The following GHITM variants were observed in gnomAD, a reference collection of about 807,000 sequenced individuals.
GHITM encodes growth hormone-inducible transmembrane protein.
GHITM carries 24 observed loss-of-function variants against 38.7 expected under a neutral mutation model. That is an observed-to-expected ratio of 0.62 (90% CI 0.45 to 0.87). The LOEUF is 0.87. GHITM is among the 40% of genes least tolerant of loss of function. The pLI, the probability that GHITM is intolerant of heterozygous loss-of-function variation, is 0.00. For synonymous variants in GHITM, 154 were observed against 147.8 expected (o/e 1.04, Z -0.30); for missense variants, 420 against 429.8 (o/e 0.98, Z 0.20).
At position 84,152,416 on chromosome 10, in the gene GHITM, T is replaced by C; in HGVS notation, c.*68T>C. On this transcript the variant is annotated 3_prime_UTR_variant, in exon 9 of 9. Coordinates refer to ENST00000372134, the MANE Select transcript of GHITM (RefSeq NM_014394.3). ...TTTAATGGGGCAGATATGCATTAAA[T>C]AGTTTGTACAAGCAGCTTTCGTTGA... The C allele has an allele frequency of 1.2e-6, 1 of 817,018 alleles. No individual in the cohort carries two copies. The highest frequency in any genetic ancestry group is 2.1e-6 in the Non-Finnish European group (1 of 487,304). The allele number at this position is 817,018 out of a possible 1,614,324, so 50.6% of individuals were successfully genotyped here.
chr10:84,149,983 CAT>C (rs1841595471), intron 6 of GHITM, 70 bp from the exon 7 acceptor site: 3 of 1,177,706 alleles, frequency 2.5e-6, no homozygotes, highest in Non-Finnish European at 3.5e-6. Context: ...TATAAAGTGG[CAT>C]GTTAGAAGTG....
chr10:84,153,023 G>A lies in GHITM; in HGVS notation c.*675G>A, dbSNP rs532707336. 1 of 152,248 alleles carries A rather than the reference G, an allele frequency of 6.6e-6. No homozygotes were observed. Among genetic ancestry groups the A allele is most frequent in the South Asian group, 2.1e-4 (1 of 4,828 alleles). 9.4% of individuals were successfully genotyped at this position (152,248 alleles called of 1,614,324 possible). A position where few individuals can be genotyped will look rare whatever the true frequency, so the allele number is the denominator to read the frequency against. Reference sequence around the variant, plus strand: ...TGGTCATGTTTGACTTGTACAGAATGTTAATCATACAGAGAATCCTTGATG... The same window carrying A: ...TGGTCATGTTTGACTTGTACAGAATATTAATCATACAGAGAATCCTTGATG... On this transcript the variant is annotated 3_prime_UTR_variant, in exon 9 of 9. Coordinates refer to ENST00000372134, the MANE Select transcript of GHITM (RefSeq NM_014394.3).
At chr10:84,144,729 A>G (rs896160442) in intron 4 of GHITM, 146 bp from the exon 5 acceptor site, 1 of 516,004 alleles carries the variant, frequency 1.9e-6, no homozygotes, top group African/African-American at 2.0e-5. Context: ...AAGTATGCAT[A>G]ATTATCATAA....
At chr10:84,142,272 C>A (rs1287705131) in intron 2 of GHITM, among the ~76,000 whole-genome samples, 4 of 152,166 alleles carry the variant, frequency 2.6e-5, no homozygotes, top group Admixed American at 6.5e-5. Context: ...CAAAATATAG[C>A]TAATAATGCT....
chr10:84,147,583 T>A (rs1589276256), intron 5 of GHITM, among the ~76,000 whole-genome samples: 1 of 152,096 alleles, frequency 6.6e-6, no homozygotes, highest in Non-Finnish European at 1.5e-5. Flanking sequence ...ACATCTAGAG[T>A]TAACCTTTTC....
rs1050452828 is a variant in GHITM at position 84,139,537 on chromosome 10, G to A, written c.-96G>A. 6.6e-6 allele frequency: 1 copy of A among 152,304 alleles called. No homozygotes were observed. The highest frequency in any genetic ancestry group is 1.5e-5 in the Non-Finnish European group (1 of 68,098). 9.4% of individuals were successfully genotyped at this position (152,304 alleles called of 1,614,324 possible). On this transcript the variant is annotated 5_prime_UTR_variant, in exon 1 of 9. Transcript: ENST00000372134. ...GCGCCGGAGGAACTGTGCTCTTTGAGGCCGACGCTAGGGGCCCGGAAGGGA... is the reference window on the plus strand; with the variant it reads ...GCGCCGGAGGAACTGTGCTCTTTGAAGCCGACGCTAGGGGCCCGGAAGGGA...
At chr10:84,143,910 C>A in intron 3 of GHITM, 85 bp from the exon 4 acceptor site, 3 of 943,116 alleles carry the variant, frequency 3.2e-6, no homozygotes, top group Non-Finnish European at 5.3e-6. Context: ...AAATATGGTA[C>A]ATGATTTGAT....
intron 6 of GHITM, among the ~76,000 whole-genome samples, chr10:84,149,339 A>G (rs1270666555): frequency 6.6e-6 from 1 of 152,222 alleles, no homozygotes; most frequent in Non-Finnish European, 1.5e-5. Context: ...TACCTTATTA[A>G]CCATATAACT....
Position 84,150,252 on chromosome 10 carries a change from C to T in GHITM, c.781+9C>T. ...CTTTGTGTCCTCATTGGGTAAGCTGCTGTGTTTTAACACTTAATTCTTGGT... is the reference window on the plus strand; with the variant it reads ...CTTTGTGTCCTCATTGGGTAAGCTGTTGTGTTTTAACACTTAATTCTTGGT... On this transcript the variant is annotated intron_variant, in intron 7 of 8. Transcript: ENST00000372134. 1.3e-6 allele frequency: 2 copies of T among 1,591,134 alleles called. No homozygotes were observed. Among genetic ancestry groups the T allele is most frequent in the Non-Finnish European group, 8.6e-7 (1 of 1,166,084 alleles).
chr10:84,142,950 G>A (rs1841522080), intron 3 of GHITM, among the ~76,000 whole-genome samples, 196 bp downstream of exon 3: 1 of 152,062 alleles, frequency 6.6e-6, no homozygotes, highest in Non-Finnish European at 1.5e-5. Context: ...TCTTCCAGTG[G>A]AAATTTTACT....
chr10:84,150,944 C>T, intron 8 of GHITM, 64 bp downstream of exon 8: 1 of 1,225,696 alleles, frequency 8.2e-7, no homozygotes, highest in Non-Finnish European at 1.2e-6. Flanking sequence ...GTGTATTTGA[C>T]CTGTTTTGGT....
intron 2 of GHITM, among the ~76,000 whole-genome samples, 174 bp downstream of exon 2, chr10:84,141,803 A>G (rs984415144): frequency 3.9e-5 from 6 of 152,144 alleles, no homozygotes; most frequent in South Asian, 2.1e-4. Flanking sequence ...TCCTTATCCC[A>G]TATGAAATAG....
chr10:84,150,063 G>T lies in GHITM; in HGVS notation c.601G>T (p.Gly201Cys), dbSNP rs757880400. The change falls in exon 7 of 9, where the codon GGT (glycine) becomes TGT (cysteine). Residue 201 changes from glycine to cysteine, a missense_variant. Physicochemically the swap from Gly to Cys is radical, Grantham distance 159 (BLOSUM62 -3). Transcript: ENST00000372134. ...LAWLLHSGVM[G>C]AVVAPLTILG... ...ACTTCCTCTTTCTCCAGGTGTGATG[G>T]GTGCAGTGGTGGCTCCTCTGACAAT... 2.6e-6 allele frequency: 4 copies of T among 1,545,724 alleles called. No individual in the cohort carries two copies.
chr10:84,148,165 TG>T (rs1332429728), intron 5 of GHITM, among the ~76,000 whole-genome samples: 2 of 152,222 alleles, frequency 1.3e-5, no homozygotes, highest in African/African-American at 4.8e-5. Context: ...GACATGCATT[TG>T]AAGCTGTCTG....
intron 1 of GHITM, among the ~76,000 whole-genome samples, chr10:84,141,030 G>A (rs1183754568): frequency 1.3e-5 from 2 of 152,058 alleles, no homozygotes; most frequent in Non-Finnish European, 2.9e-5. Flanking sequence ...TGTCTTCTTT[G>A]GATGACACTA....
chr10:84,145,296 TAATGATA>T (rs1841546875), intron 5 of GHITM, among the ~76,000 whole-genome samples: 2 of 152,212 alleles, frequency 1.3e-5, no homozygotes, highest in African/African-American at 2.4e-5. Flanking sequence ...CAATGAAGTG[TAATGATA>T]AATAGTCCGA....
intron 2 of GHITM, among the ~76,000 whole-genome samples, 169 bp from the exon 3 acceptor site, chr10:84,142,486 C>T (rs1333931055): frequency 2.0e-5 from 3 of 152,100 alleles, no homozygotes; most frequent in African/African-American, 7.2e-5. Context: ...TTTATTTTTA[C>T]ATTTAGTTTT....
At chr10:84,151,715 C>T (rs77138791) in intron 8 of GHITM, among the ~76,000 whole-genome samples, 1 of 151,868 alleles carries the variant, frequency 6.6e-6, no homozygotes, top group East Asian at 1.9e-4. Flanking sequence ...TGGAGTCGAC[C>T]AAAGTGGGTT....
In GHITM at chr10:84,142,765, A is replaced by G. The variant is rs757352632; in HGVS notation, c.229+11A>G. ...AAAAAATATTTAAAAGTAGGTGGCT[A>G]TCTTTAGTTTTTAACCTAGAATCTA... On this transcript the variant is annotated intron_variant, in intron 3 of 8. Transcript: ENST00000372134. 2.8e-6 allele frequency: 4 copies of G among 1,444,744 alleles called. No homozygotes were observed. Among genetic ancestry groups the G allele is most frequent in the Non-Finnish European group, 3.9e-6 (4 of 1,027,708 alleles). 89.5% of individuals were successfully genotyped at this position (1,444,744 alleles called of 1,614,324 possible).
Sources: allele counts gnomAD v4.1 joint callset (sites outside exome capture counted in the v4.1 genomes callset), GRCh38; gene constraint gnomAD v4.1.1; transcripts MANE v1.5; gene names NCBI Gene and HGNC (gene_info 2026-07-23, HGNC 2026-07-21).